NR3C2: variants seen among roughly 807,000 people sequenced by gnomAD.
NR3C2 encodes nuclear receptor subfamily 3 group C member 2, also known as mineralocorticoid receptor.
NR3C2 carries 15 observed loss-of-function variants against 86.4 expected under a neutral mutation model. The ratio of observed to expected loss-of-function variants is 0.17; its 90% CI spans 0.12 to 0.27. The LOEUF is 0.27. NR3C2 is among the 10% of genes least tolerant of loss of function. The probability of loss-of-function intolerance (pLI) is 1.00; values close to 1 mark genes in which losing one functional copy is unlikely to be tolerated. For synonymous variants in NR3C2, 458 were observed against 450.5 expected, an observed-to-expected ratio of 1.02 and a Z score of -0.21; for missense variants, 960 against 1,195.6, an observed-to-expected ratio of 0.80 and a Z score of 2.91.
At position 148,185,462 on chromosome 4, in the gene NR3C2, T is replaced by C. The variant is rs563162068; in HGVS notation, c.2014+9284A>G. On this transcript the variant is annotated intron_variant, in intron 4 of 8. Coordinates refer to ENST00000358102, the MANE Select transcript of NR3C2 (RefSeq NM_000901.5). ...CCTGATCAGCCAGCCAGTTAATTCA[T>C]TGATCAAAGCAAAGAAGAATGAAGT... Among the ~76,000 whole-genome samples the C allele has an allele frequency of 1.6e-4, 25 of 152,370 alleles. 1 individual carries two copies. The highest frequency in any genetic ancestry group is 3.4e-3 in the Middle Eastern group (1 of 294).
intron 2 of NR3C2, among the ~76,000 whole-genome samples, chr4:148,414,121 C>T (rs1748877426): frequency 6.6e-6 from 1 of 152,160 alleles, no homozygotes; most frequent in Non-Finnish European, 1.5e-5. Context: ...AAATAAACTA[C>T]ATCTAAATGT....
intron 2 of NR3C2, among the ~76,000 whole-genome samples, chr4:148,329,338 A>ATC (rs2149965971): frequency 2.8e-4 from 1 of 3,510 alleles, no homozygotes; most frequent in African/African-American, 3.4e-4. Flanking sequence ...ACACATGCAT[A>ATC]TATATACACA....
At chr4:148,361,262 T>C (rs1048403203) in intron 2 of NR3C2, among the ~76,000 whole-genome samples, 2 of 152,216 alleles carry the variant, frequency 1.3e-5, no homozygotes, top group Non-Finnish European at 2.9e-5. Flanking sequence ...CCAGAATCAA[T>C]TTAGACATAA....
intron 7 of NR3C2, among the ~76,000 whole-genome samples, chr4:148,117,822 G>C (rs1732339318): frequency 6.6e-6 from 1 of 152,116 alleles, no homozygotes; most frequent in Admixed American, 6.5e-5. Context: ...TTCTCCAAAT[G>C]ACTTTACTGA....
intron 1 of NR3C2, among the ~76,000 whole-genome samples, chr4:148,441,898 G>A (rs920296945): frequency 5.3e-5 from 8 of 152,238 alleles, no homozygotes; most frequent in African/African-American, 1.9e-4. Flanking sequence ...AGGGAAGGGT[G>A]GTAGACCTCC....
intron 2 of NR3C2, among the ~76,000 whole-genome samples, chr4:148,329,631 C>T (rs1512342): frequency 0.29 from 43,781 of 152,116 alleles, 7,574 homozygotes; most frequent in East Asian, 0.58. Flanking sequence ...TAAACATCCA[C>T]CATGTAGACA....
chr4:148,129,192 T>C (rs1341358704), intron 6 of NR3C2, among the ~76,000 whole-genome samples: 1 of 152,208 alleles, frequency 6.6e-6, no homozygotes, highest in Admixed American at 6.5e-5. Context: ...TATTGAGTCT[T>C]AAAAAAGGAA....
chr4:148,443,818 C>T (rs1750470744), upstream of NR3C2, among the ~76,000 whole-genome samples: 1 of 152,172 alleles, frequency 6.6e-6, no homozygotes, highest in Non-Finnish European at 1.5e-5. Context: ...GCCCAAAGGC[C>T]CCTCCTCTCC....
At chr4:148,355,588 C>T (rs1745514264) in intron 2 of NR3C2, among the ~76,000 whole-genome samples, 1 of 152,176 alleles carries the variant, frequency 6.6e-6, no homozygotes, top group African/African-American at 2.4e-5. Context: ...ACAAAGCCAG[C>T]ACCCCTCTCT....
chr4:148,107,224 G>A, intron 8 of NR3C2, among the ~76,000 whole-genome samples: 1 of 152,114 alleles, frequency 6.6e-6, no homozygotes. Flanking sequence ...AGACATTTAT[G>A]CAGCCAGCAA....
At chr4:148,284,662 T>C (rs1382273405) in intron 2 of NR3C2, among the ~76,000 whole-genome samples, 3 of 152,204 alleles carry the variant, frequency 2.0e-5, no homozygotes, top group African/African-American at 7.2e-5. Context: ...TGACTTTGTA[T>C]CTTGTGAGCC....
At chr4:148,203,553 C>T (rs1002309643) in intron 3 of NR3C2, among the ~76,000 whole-genome samples, 1 of 151,810 alleles carries the variant, frequency 6.6e-6, no homozygotes, top group Non-Finnish European at 1.5e-5. Context: ...TGTTTAACTG[C>T]TCTTGAACTG....
intron 2 of NR3C2, among the ~76,000 whole-genome samples, chr4:148,326,745 T>C (rs1380755446): frequency 6.6e-6 from 1 of 152,174 alleles, no homozygotes; most frequent in Non-Finnish European, 1.5e-5. Flanking sequence ...AGTTAACCTT[T>C]GTGATGGTGA....
chr4:148,269,493 T>C (rs1157232398), intron 2 of NR3C2, among the ~76,000 whole-genome samples: 1 of 152,232 alleles, frequency 6.6e-6, no homozygotes, highest in Non-Finnish European at 1.5e-5. Flanking sequence ...CATAAAACCA[T>C]ATCCGATAGT....
intron 2 of NR3C2, among the ~76,000 whole-genome samples, chr4:148,266,244 T>G (rs1740391009): frequency 6.6e-6 from 1 of 152,122 alleles, no homozygotes; most frequent in Non-Finnish European, 1.5e-5. Flanking sequence ...AGCTAATTTT[T>G]GTATTTTTAG....
Position 148,326,620 on chromosome 4 carries a change from T to C in NR3C2, c.1758-66503A>G, listed in dbSNP as rs558423314. ...GTTTTAATAGTAGGCAAGTTGTCAA[T>C]CTTTAAAAGTCCAACTCTTCAAGTT... On this transcript the variant is annotated intron_variant, in intron 2 of 8. Transcript: ENST00000358102. 5.9e-5 allele frequency among the ~76,000 whole-genome samples: 9 copies of C among 152,142 alleles called. No individual in the cohort carries two copies. In the East Asian group the frequency reaches 1.7e-3, roughly 29 times the overall value.
chr4:148,421,894 T>C lies in NR3C2; in HGVS notation c.1757+13210A>G, dbSNP rs191726975. On this transcript the variant is annotated intron_variant, in intron 2 of 8. Coordinates refer to ENST00000358102, the MANE Select transcript of NR3C2 (RefSeq NM_000901.5). ...AATGCACAGTTCATGAAATGCACAG[T>C]TCATGAAATTATACTCTCTCATAAA... Among the ~76,000 whole-genome samples the C allele has an allele frequency of 3.3e-5, 5 of 152,192 alleles. No homozygotes were observed. In the East Asian group the frequency reaches 9.7e-4, roughly 29 times the overall value.
At chr4:148,288,134 A>G (rs1444607942) in intron 2 of NR3C2, among the ~76,000 whole-genome samples, 1 of 152,236 alleles carries the variant, frequency 6.6e-6, no homozygotes, top group Non-Finnish European at 1.5e-5. Flanking sequence ...ACCACGGTAT[A>G]AGTGATACAC....
intron 7 of NR3C2, among the ~76,000 whole-genome samples, chr4:148,115,092 T>G (rs1056755938): frequency 2.0e-5 from 3 of 152,348 alleles, no homozygotes; most frequent in African/African-American, 7.2e-5. Flanking sequence ...TTTAAAACTT[T>G]CAAAGAGAAT....
Sources: allele counts gnomAD v4.1 joint callset (sites outside exome capture counted in the v4.1 genomes callset), GRCh38; gene constraint gnomAD v4.1.1; transcripts MANE v1.5; gene names NCBI Gene and HGNC (gene_info 2026-07-23, HGNC 2026-07-21).